ONECUT2: variants seen among roughly 807,000 people sequenced by gnomAD.
ONECUT2 encodes one cut homeobox 2, also known as one cut domain family member 2.
A neutral mutation model predicts 27.9 loss-of-function variants in ONECUT2; 10 were observed. The observed-to-expected ratio is 0.36, with a 90% CI of 0.22 to 0.61. The LOEUF (loss-of-function observed/expected upper bound fraction) is 0.61. Ranked by LOEUF, ONECUT2 falls within the 20% of genes least tolerant of loss-of-function variation. The pLI, the probability that ONECUT2 is intolerant of heterozygous loss-of-function variation, is 0.73. For missense variants in ONECUT2, 686 were observed against 721.0 expected (o/e 0.95, Z 0.56); for synonymous variants, 334 against 315.1 (o/e 1.06, Z -0.64).
chr18:57,444,971 A>C (rs139165473), intron 1 of ONECUT2, among the ~76,000 whole-genome samples: 98 of 152,320 alleles, frequency 6.4e-4, no homozygotes, highest in African/African-American at 2.1e-3. Flanking sequence ...TGTTTTTCTC[A>C]TTCTTCTAAA....
chr18:57,436,679 C>T lies in ONECUT2; in HGVS notation c.963C>T (p.Gly321=). 6.2e-7 allele frequency: 1 copy of T among 1,613,252 alleles called. No homozygotes were observed. The highest frequency in any genetic ancestry group is 1.3e-5 in the African/African-American group (1 of 75,066). The change falls in exon 1 of 2, where the codon GGC becomes GGT. Residue 321 remains glycine (G), a synonymous_variant. Transcript: ENST00000491143. The surrounding 1 kb of genome is among the most constrained non-coding windows in gnomAD (Gnocchi z 5.9). ...AGCGGCCACCCTCGTCCTCATCGGG[C>T]TCGCAGGTGGCCACGTCGGGCCAGC... The part of the protein sequence containing the change: ...SRERPPSSSS[G]SQVATSGQLE...
intron 1 of ONECUT2, among the ~76,000 whole-genome samples, chr18:57,461,635 C>G (rs2050292252): frequency 1.3e-5 from 2 of 152,202 alleles, no homozygotes; most frequent in African/African-American, 4.8e-5. Flanking sequence ...GAGCTTAATC[C>G]TGCTGAGTAA....
chr18:57,449,771 C>G (rs1221731385), intron 1 of ONECUT2, among the ~76,000 whole-genome samples: 4 of 152,258 alleles, frequency 2.6e-5, no homozygotes, highest in Non-Finnish European at 5.9e-5. Flanking sequence ...TCTCATCAGT[C>G]CTTCTCCAGG....
At chr18:57,473,620 G>A (rs60328039) in intron 1 of ONECUT2, among the ~76,000 whole-genome samples, 3,238 of 152,156 alleles carry the variant, frequency 0.021, 116 homozygotes, top group African/African-American at 0.071. Flanking sequence ...AACTCAAACC[G>A]AGGCATGTGG....
At position 57,473,281 on chromosome 18, in the gene ONECUT2, C is replaced by T. The variant is rs144155960; in HGVS notation, c.1229-3156C>T. Among the ~76,000 whole-genome samples, 4 of 152,252 alleles carry T rather than the reference C, an allele frequency of 2.6e-5. 1 individual carries two copies. Among genetic ancestry groups the T allele is most frequent in the East Asian group, 1.9e-4 (1 of 5,186 alleles). ...CTGGGTCTGCAGCAAACCTGGGATG[C>T]GGTGTCAGTGTCATCACATATACTC... On this transcript the variant is annotated intron_variant, in intron 1 of 1. Coordinates refer to ENST00000491143, the MANE Select transcript of ONECUT2 (RefSeq NM_004852.3).
At chr18:57,470,670 G>A (rs964157438) in intron 1 of ONECUT2, among the ~76,000 whole-genome samples, 13 of 152,212 alleles carry the variant, frequency 8.5e-5, no homozygotes, top group African/African-American at 1.4e-4. Flanking sequence ...CTGCACCTGC[G>A]GAACTGGGTG....
At chr18:57,467,917 C>G (rs910544922) in intron 1 of ONECUT2, among the ~76,000 whole-genome samples, 3 of 152,204 alleles carry the variant, frequency 2.0e-5, no homozygotes, top group Admixed American at 6.5e-5. Flanking sequence ...TGTTCCTTCT[C>G]CCTCCTGTCT....
chr18:57,450,032 G>C (rs1207702224), intron 1 of ONECUT2, among the ~76,000 whole-genome samples: 2 of 152,084 alleles, frequency 1.3e-5, no homozygotes, highest in Non-Finnish European at 1.5e-5. Context: ...CCCACACCAG[G>C]TATTCTTTTT....
At position 57,482,952 on chromosome 18, in the gene ONECUT2, A is replaced by C. The variant is rs1221617766; in HGVS notation, c.*6229A>C. 1 of 152,644 alleles carries C rather than the reference A, an allele frequency of 6.6e-6. No homozygotes were observed. Among genetic ancestry groups the C allele is most frequent in the Non-Finnish European group, 1.5e-5 (1 of 68,042 alleles). 9.5% of individuals were successfully genotyped at this position (152,644 alleles called of 1,614,324 possible). A position where few individuals can be genotyped will look rare whatever the true frequency, so the allele number is the denominator to read the frequency against. ...ATCTTCATCCTGTACACTTGGAATT[A>C]ATTTCATTTGGGCATATCCAAGATA... On this transcript the variant is annotated 3_prime_UTR_variant, in exon 2 of 2. Coordinates refer to ENST00000491143, the MANE Select transcript of ONECUT2 (RefSeq NM_004852.3).
In ONECUT2 at chr18:57,435,676, G is replaced by GCCCCCCCC; in HGVS notation, c.-36_-35insCCCCCCCC. The GCCCCCCCC allele has an allele frequency of 3.0e-6, 2 of 659,588 alleles. No individual in the cohort carries two copies. The highest frequency in any genetic ancestry group is 3.9e-6 in the Non-Finnish European group (2 of 515,110). The allele number at this position is 659,588 out of a possible 1,614,324, so 40.9% of individuals were successfully genotyped here. A position where few individuals can be genotyped will look rare whatever the true frequency, so the allele number is the denominator to read the frequency against. On this transcript the variant is annotated 5_prime_UTR_variant, in exon 1 of 2. Coordinates refer to ENST00000491143, the MANE Select transcript of ONECUT2 (RefSeq NM_004852.3). The stretch of plus-strand genomic sequence containing the variant: ...CGCGCGCCTTGCCCGCCCGCCGGCC[G>GCCCCCCCC]CCCCCGCCGCCCCCGCCGCCCCCGG...
chr18:57,456,933 A>G (rs557563175), intron 1 of ONECUT2, among the ~76,000 whole-genome samples: 1 of 152,290 alleles, frequency 6.6e-6, no homozygotes, highest in South Asian at 2.1e-4. Flanking sequence ...AGGCCCATCA[A>G]TGTCCTCACT....
intron 1 of ONECUT2, among the ~76,000 whole-genome samples, chr18:57,462,723 C>CTTTTTTTTTTTTTTTTTTT (rs57032206): frequency 1.4e-5 from 1 of 68,996 alleles, no homozygotes. Flanking sequence ...TATTTTCTTT[C>CTTTTTTTTTTTTTTTTTTT]TTTTTTTTTT....
At chr18:57,468,884 G>C (rs1211326209) in intron 1 of ONECUT2, among the ~76,000 whole-genome samples, 1 of 152,100 alleles carries the variant, frequency 6.6e-6, no homozygotes, top group Admixed American at 6.5e-5. Flanking sequence ...AAAGGCTCTT[G>C]ATCATGCAGA....
At position 57,476,978 on chromosome 18, in the gene ONECUT2, A is replaced by G. The variant is rs1327844176; in HGVS notation, c.*255A>G. 2.5e-5 allele frequency: 12 copies of G among 484,362 alleles called. No homozygotes were observed. Among genetic ancestry groups the G allele is most frequent in the Non-Finnish European group, 4.4e-5 (12 of 274,464 alleles). The allele number at this position is 484,362 out of a possible 1,614,324, so 30.0% of individuals were successfully genotyped here. On this transcript the variant is annotated 3_prime_UTR_variant, in exon 2 of 2. Transcript: ENST00000491143. ...TAGAACCAGACACTGTTCTCTGAGCATGCTAAGCATCCCAGAAACCCAAAT... is the reference window on the plus strand; with the variant it reads ...TAGAACCAGACACTGTTCTCTGAGCGTGCTAAGCATCCCAGAAACCCAAAT...
chr18:57,436,600 T>C lies in ONECUT2; in HGVS notation c.884T>C (p.Leu295Pro), dbSNP rs752503009. The C allele has an allele frequency of 6.2e-6, 10 of 1,610,436 alleles. No individual in the cohort carries two copies. Among genetic ancestry groups the C allele is most frequent in the Middle Eastern group, 3.3e-4 (2 of 6,084 alleles). Residue 295 changes from leucine to proline, a missense_variant, in exon 1 of 2, where the codon CTG becomes CCG. By Grantham distance (98) the Leu-to-Pro change is moderately conservative. Transcript: ENST00000491143. The surrounding 1 kb of genome is among the most constrained non-coding windows in gnomAD (Gnocchi z 5.9). ...PAAMMSHLNG[L>P]HHPGHTQSHG... is the part of the protein sequence containing the mutation. ...GCCATGATGTCGCACCTGAACGGCCTGCACCACCCGGGCCACACTCAGTCT... is the reference window on the plus strand; with the variant it reads ...GCCATGATGTCGCACCTGAACGGCCCGCACCACCCGGGCCACACTCAGTCT...
chr18:57,435,848 C>G lies in ONECUT2; in HGVS notation c.132C>G (p.Gly44=), dbSNP rs750155945. 5.5e-6 allele frequency: 5 copies of G among 905,996 alleles called. No individual in the cohort carries two copies. The highest frequency in any genetic ancestry group is 6.6e-6 in the Non-Finnish European group (5 of 756,112). The allele number at this position is 905,996 out of a possible 1,614,324, so 56.1% of individuals were successfully genotyped here. ...CCGGCGGCGGCAGTGGCGGGGGCGGCGGCGGGGGCGGCGGGGGCGGCGGCG... is the reference window on the plus strand; with the variant it reads ...CCGGCGGCGGCAGTGGCGGGGGCGGGGGCGGGGGCGGCGGGGGCGGCGGCG... ...GPAGGGSGGG[G]GGGGGGGGGG... is the part of the protein sequence containing the mutation. Residue 44 remains glycine (G), a synonymous_variant, in exon 1 of 2, where the codon GGC becomes GGG. Coordinates refer to ENST00000491143, the MANE Select transcript of ONECUT2 (RefSeq NM_004852.3).
chr18:57,436,133 G>T lies in ONECUT2; in HGVS notation c.417G>T (p.Pro139=), dbSNP rs370313062. 10 of 1,603,374 alleles carry T rather than the reference G, an allele frequency of 6.2e-6. No individual in the cohort carries two copies. The highest frequency in any genetic ancestry group is 1.6e-4 in the Middle Eastern group (1 of 6,080). Residue 139 remains proline, a synonymous_variant, in exon 1 of 2, where the codon CCG becomes CCT. Coordinates refer to ENST00000491143, the MANE Select transcript of ONECUT2 (RefSeq NM_004852.3). This position sits in a 1 kb window ranked among gnomAD's most constrained non-coding sequence, Gnocchi z 5.9. ...TGAGCATGTCCTGCGACTCGTCTCC[G>T]CCTGGCATGGGCATGAGCAACACCT... The part of the protein sequence containing the change: ...HAMSMSCDSS[P]PGMGMSNTYT...
At chr18:57,449,933 C>A (rs1040356816) in intron 1 of ONECUT2, among the ~76,000 whole-genome samples, 1 of 152,184 alleles carries the variant, frequency 6.6e-6, no homozygotes, top group African/African-American at 2.4e-5. Flanking sequence ...CTCTCTAGGT[C>A]TTTTCTGTGT....
In ONECUT2 at chr18:57,482,982, C is replaced by G. The variant is rs1031270828; in HGVS notation, c.*6259C>G. On this transcript the variant is annotated 3_prime_UTR_variant, in exon 2 of 2. Coordinates refer to ENST00000491143, the MANE Select transcript of ONECUT2 (RefSeq NM_004852.3). ...CATTTGGGCATATCCAAGATAAACT[C>G]AACTTTCAAGAAATCTTGTATATTA... is the stretch of plus-strand genomic sequence containing the variant. 6.6e-6 allele frequency: 1 copy of G among 152,530 alleles called. No individual in the cohort carries two copies. The highest frequency in any genetic ancestry group is 2.4e-5 in the African/African-American group (1 of 41,416). The allele number at this position is 152,530 out of a possible 1,614,324, so 9.4% of individuals were successfully genotyped here.
Sources: allele counts gnomAD v4.1 joint callset (sites outside exome capture counted in the v4.1 genomes callset), GRCh38; gene constraint gnomAD v4.1.1; non-coding constraint Gnocchi (gnomAD v3.1); transcripts MANE v1.5; gene names NCBI Gene and HGNC (gene_info 2026-07-23, HGNC 2026-07-21).